The following USP51 variants were observed in gnomAD, a reference collection of about 807,000 sequenced individuals.
USP51 encodes the protein ubiquitin carboxyl-terminal hydrolase 51.
USP51 carries 5 observed loss-of-function variants against 17.6 expected under a neutral mutation model. The ratio of observed to expected loss-of-function variants is 0.28; its 90% CI spans 0.15 to 0.60. The LOEUF (loss-of-function observed/expected upper bound fraction) is 0.60. USP51 is among the 20% of genes least tolerant of loss of function. The pLI, the probability that USP51 is intolerant of heterozygous loss-of-function variation, is 0.88. For missense variants in USP51, 459 were observed against 559.5 expected (o/e 0.82, Z 1.81); for synonymous variants, 248 against 216.1 (o/e 1.15, Z -1.29).
At chrX:55,489,718 C>T (rs781041970) in intron 1 of USP51, among the ~76,000 whole-genome samples, 58 bp downstream of exon 1, 2 of 112,250 alleles carry the variant, frequency 1.8e-5, no homozygotes, top group African/African-American at 6.5e-5. Flanking sequence ...GCTCCCTTTT[C>T]CCTCTCCTGC....
Position 55,488,639 on chromosome X carries a change from G to A in USP51, c.301C>T (p.Arg101Cys). The A allele has an allele frequency of 8.5e-7, 1 of 1,175,383 alleles. No individual in the cohort carries two copies. The highest frequency in any genetic ancestry group is 2.3e-5 in the Admixed American group (1 of 43,737). Residue 101 changes from arginine to cysteine, a missense_variant, in exon 3 of 3, where the codon CGC (arginine) becomes TGC (cysteine). This residue lies in a region of USP51 where 232 missense variants were observed against 194.0 expected (regional missense o/e 1.20). Coordinates refer to ENST00000500968, the MANE Select transcript of USP51 (RefSeq NM_201286.4). ...CHSSSSPVCP[R>C]RKPRPRPQPR... ...TGGGGCCGAGGGCGGGGCTTGCGGC[G>A]CGGGCAAACGGGCGAGGAGCTGCTG...
chrX:55,485,114 A>C lies in USP51; in HGVS notation c.*1690T>G, dbSNP rs1245980364. 1 of 111,846 alleles carries C rather than the reference A, an allele frequency of 8.9e-6. No homozygotes were observed. Among genetic ancestry groups the C allele is most frequent in the Admixed American group, 9.5e-5 (1 of 10,548 alleles). 9.2% of individuals were successfully genotyped at this position (111,846 alleles called of 1,213,427 possible). A position where few individuals can be genotyped will look rare whatever the true frequency, so the allele number is the denominator to read the frequency against. ...CTTGGAGGGGGAAGAGGGAAAAAGGAAGGTGGGAAGGCCTCAGATATGGGT... is the reference window on the plus strand; with the variant it reads ...CTTGGAGGGGGAAGAGGGAAAAAGGCAGGTGGGAAGGCCTCAGATATGGGT... On this transcript the variant is annotated 3_prime_UTR_variant, in exon 3 of 3. Coordinates refer to ENST00000500968, the MANE Select transcript of USP51 (RefSeq NM_201286.4).
Position 55,486,541 on chromosome X carries a change from ATTCTT to A in USP51, c.*258_*262del. ...TACTCCCGTTGTCCCCACCTAAAGC[ATTCTT>A]TTCATTTCATTATGCTTTATGTGAC... On this transcript the variant is annotated 3_prime_UTR_variant, in exon 3 of 3. Transcript: ENST00000500968. The A allele has an allele frequency of 3.4e-6, 1 of 298,392 alleles. No individual in the cohort carries two copies. Among genetic ancestry groups the A allele is most frequent in the Non-Finnish European group, 5.8e-6 (1 of 172,926 alleles). 24.6% of individuals were successfully genotyped at this position (298,392 alleles called of 1,213,427 possible). A position where few individuals can be genotyped will look rare whatever the true frequency, so the allele number is the denominator to read the frequency against.
rs1350581731 is a variant in USP51 at position 55,488,023 on chromosome X, T to A, written c.917A>T (p.Glu306Val). Residue 306 changes from glutamate to valine, a missense_variant, in exon 3 of 3, where the codon GAA (glutamate) becomes GTA (valine). Coordinates refer to ENST00000500968, the MANE Select transcript of USP51 (RefSeq NM_201286.4). Reference sequence around the variant, plus strand: ...GGAAGTTAATAATCTCAAAATTTTTTCTTTTGTTTCTTTGGCAATCTGTTC... The same window carrying A: ...GGAAGTTAATAATCTCAAAATTTTTACTTTTGTTTCTTTGGCAATCTGTTC... ...DIEQIAKETK[E>V]KILRLLTSTS... 1.7e-6 allele frequency: 2 copies of A among 1,207,977 alleles called. No individual in the cohort carries two copies. Among genetic ancestry groups the A allele is most frequent in the South Asian group, 3.6e-5 (2 of 55,616 alleles).
Position 55,488,821 on chromosome X carries a change from G to GCCT in USP51, c.116_118dup (p.Glu39dup), listed in dbSNP as rs1569197647. Reference sequence around the variant, plus strand: ...AGACGCCTTCGTAGCCCCCGCCGCCGCCTCCTCCATTTTCCCCGCCTTCTC... The same window carrying GCCT: ...AGACGCCTTCGTAGCCCCCGCCGCCGCCTCCTCCTCCATTTTCCCCGCCTTCTC... On this transcript the variant is annotated inframe_insertion, in exon 3 of 3. Transcript: ENST00000500968. 2.5e-6 allele frequency: 3 copies of GCCT among 1,210,930 alleles called. No homozygotes were observed. The highest frequency in any genetic ancestry group is 2.3e-4 in the Middle Eastern group (1 of 4,351).
At position 55,487,674 on chromosome X, in the gene USP51, G is replaced by A; in HGVS notation, c.1266C>T (p.Ser422=). ...SSLFHAMYSG[S]RTPHIPYKLL... ...ACTTATAGGGAATGTGAGGAGTTCG[G>A]CTCCCAGAGTACATAGCATGAAAAA... Residue 422 remains serine (S), a synonymous_variant, in exon 3 of 3, where the codon AGC becomes AGT. Transcript: ENST00000500968. 1 of 1,211,839 alleles carries A rather than the reference G, an allele frequency of 8.3e-7. No individual in the cohort carries two copies. Among genetic ancestry groups the A allele is most frequent in the Non-Finnish European group, 1.1e-6 (1 of 895,531 alleles).
Position 55,486,509 on chromosome X carries a change from A to G in USP51, c.*295T>C, listed in dbSNP as rs1265119795. On this transcript the variant is annotated 3_prime_UTR_variant, in exon 3 of 3. Transcript: ENST00000500968. ...ACAAATGACATAGAGTAGCATCAGA[A>G]CACTTCTACTCCCGTTGTCCCCACC... 4.0e-6 allele frequency: 1 copy of G among 247,658 alleles called. No homozygotes were observed. The highest frequency in any genetic ancestry group is 2.8e-5 in the African/African-American group (1 of 35,605). The allele number at this position is 247,658 out of a possible 1,213,427, so 20.4% of individuals were successfully genotyped here.
rs764346550 is a variant in USP51 at position 55,489,309 on chromosome X, T to C, written c.-190A>G. 2 of 169,143 alleles carry C rather than the reference T, an allele frequency of 1.2e-5. No individual in the cohort carries two copies. Among genetic ancestry groups the C allele is most frequent in the African/African-American group, 6.0e-5 (2 of 33,352 alleles). The allele number at this position is 169,143 out of a possible 1,213,427, so 13.9% of individuals were successfully genotyped here. On this transcript the variant is annotated 5_prime_UTR_variant, in exon 2 of 3. Coordinates refer to ENST00000500968, the MANE Select transcript of USP51 (RefSeq NM_201286.4). ...AGGCGCCACCCTCTGACTGCTTTTT[T>C]GCGCCCTGCGCAGCCTCGCTTTGGT...
At position 55,487,485 on chromosome X, in the gene USP51, G is replaced by A. The variant is rs138024378; in HGVS notation, c.1455C>T (p.Asp485=). 1.2e-5 allele frequency: 15 copies of A among 1,211,831 alleles called. No individual in the cohort carries two copies. The highest frequency in any genetic ancestry group is 2.3e-4 in the Middle Eastern group (1 of 4,353). The part of the protein sequence containing the change: ...NNPNCCNCII[D]QIFTGGLQSD... ...ATTGCAGGCCACCTGTAAAGATTTG[G>A]TCTATGATGCAGTTACAGCAGTTGG... Residue 485 remains aspartate, a synonymous_variant, in exon 3 of 3, where the codon GAC becomes GAT. Transcript: ENST00000500968.
Position 55,487,596 on chromosome X carries a change from C to T in USP51, c.1344G>A (p.Gln448=), listed in dbSNP as rs779280996. 4 of 1,210,476 alleles carry T rather than the reference C, an allele frequency of 3.3e-6. No homozygotes were observed. In the East Asian group the frequency reaches 1.2e-4, roughly 36 times the overall value. The part of the protein sequence containing the change: ...HAEHLAGYRQ[Q]DAHEFLIAIL... ...TTGCAATAAGGAACTCATGGGCATC[C>T]TGCTGCCTGTACCCTGCTAAATGTT... Residue 448 remains glutamine (Q), a synonymous_variant, in exon 3 of 3, where the codon CAG becomes CAA. Transcript: ENST00000500968.
rs368430362 is a variant in USP51, at chrX:55,488,653, G to A, written c.287C>T (p.Ser96Leu). Residue 96 changes from serine (S) to leucine (L), a missense_variant, in exon 3 of 3, where the codon TCG becomes TTG. By Grantham distance (145) the Ser-to-Leu change is moderately radical (BLOSUM62 -2). This residue lies in a region of USP51 where 232 missense variants were observed against 194.0 expected (regional missense o/e 1.20). Coordinates refer to ENST00000500968, the MANE Select transcript of USP51 (RefSeq NM_201286.4). ...SIPLRCHSSS[S>L]PVCPRRKPRP... Reference sequence around the variant, plus strand: ...GGGCTTGCGGCGCGGGCAAACGGGCGAGGAGCTGCTGTGACAGCGAAGGGG... The same window carrying A: ...GGGCTTGCGGCGCGGGCAAACGGGCAAGGAGCTGCTGTGACAGCGAAGGGG... 17 of 1,185,937 alleles carry A rather than the reference G, an allele frequency of 1.4e-5. No individual in the cohort carries two copies. In the African/African-American group the frequency reaches 2.6e-4, roughly 18 times the overall value.
At position 55,488,856 on chromosome X, in the gene USP51, C is replaced by A. The variant is rs1223037035; in HGVS notation, c.84G>T (p.Glu28Asp). The A allele has an allele frequency of 8.3e-6, 10 of 1,209,518 alleles. No homozygotes were observed. Among genetic ancestry groups the A allele is most frequent in the Non-Finnish European group, 1.1e-5 (10 of 895,032 alleles). Residue 28 changes from glutamate (E) to aspartate (D), a missense_variant, in exon 3 of 3, where the codon GAG becomes GAT. Physicochemically the swap from Glu to Asp is conservative, Grantham distance 45. Coordinates refer to ENST00000500968, the MANE Select transcript of USP51 (RefSeq NM_201286.4). ...TTTTCCCCGCCTTCTCAACCGCCTC[C>A]TCAGGAGAGGCTCCTCCCCCACCTC... is the stretch of plus-strand genomic sequence containing the variant. ...ISGGGGGASP[E>D]EAVEKAGKME...
In USP51 at chrX:55,488,827, T is replaced by A; in HGVS notation, c.113A>T (p.Glu38Val). ...CTTCGTAGCCCCCGCCGCCGCCTCC[T>A]CCATTTTCCCCGCCTTCTCAACCGC... ...EEAVEKAGKM[E>V]EAAAGATKAS... Residue 38 changes from glutamate (E) to valine (V), a missense_variant, in exon 3 of 3, where the codon GAG (glutamate) becomes GTG (valine). By Grantham distance (121) the Glu-to-Val change is moderately radical. Coordinates refer to ENST00000500968, the MANE Select transcript of USP51 (RefSeq NM_201286.4). 8.3e-7 allele frequency: 1 copy of A among 1,211,198 alleles called. No homozygotes were observed. Among genetic ancestry groups the A allele is most frequent in the Non-Finnish European group, 1.1e-6 (1 of 895,383 alleles).
intron 2 of USP51, 49 bp downstream of exon 2, chrX:55,489,120 C>G (rs1446359764): frequency 1.2e-5 from 7 of 601,800 alleles, no homozygotes; most frequent in Non-Finnish European, 1.8e-5. Flanking sequence ...CGGCTCCACC[C>G]ACTCAACTGA....
In USP51 at chrX:55,487,688, T is replaced by C. The variant is rs1450749979; in HGVS notation, c.1252A>G (p.Met418Val). The change falls in exon 3 of 3, where the codon ATG becomes GTG. Residue 418 changes from methionine (M) to valine (V), a missense_variant. By Grantham distance (21) the Met-to-Val change is conservative. Transcript: ENST00000500968. The part of the protein sequence containing the change: ...VCEMSSLFHA[M>V]YSGSRTPHIP... Reference sequence around the variant, plus strand: ...TGAGGAGTTCGGCTCCCAGAGTACATAGCATGAAAAAGCGAAGACATTTCA... The same window carrying C: ...TGAGGAGTTCGGCTCCCAGAGTACACAGCATGAAAAAGCGAAGACATTTCA... 3 of 1,211,763 alleles carry C rather than the reference T, an allele frequency of 2.5e-6. No homozygotes were observed. The East Asian group carries it at 8.9e-5, about 36-fold the overall frequency.
intron 1 of USP51, among the ~76,000 whole-genome samples, chrX:55,489,568 T>C (rs2031393881): frequency 8.9e-6 from 1 of 112,288 alleles, no homozygotes; most frequent in African/African-American, 3.2e-5. Context: ...TTTTTCGCGC[T>C]TGTGCTCTCA....
At position 55,487,877 on chromosome X, in the gene USP51, T is replaced by C; in HGVS notation, c.1063A>G (p.Lys355Glu). The change falls in exon 3 of 3, where the codon AAG (lysine) becomes GAG (glutamate). Residue 355 changes from lysine (K) to glutamate (E), a missense_variant. Coordinates refer to ENST00000500968, the MANE Select transcript of USP51 (RefSeq NM_201286.4). ...CTCAGGCCTACAGTATAGACTGACTTTTTTCTTCTCTTTTTCTTGGGTTTC... is the reference window on the plus strand; with the variant it reads ...CTCAGGCCTACAGTATAGACTGACTCTTTTCTTCTCTTTTTCTTGGGTTTC... ...LVKPKKKRRKKSVYTVGLRGL... is the reference protein window; with the variant it reads ...LVKPKKKRRKESVYTVGLRGL... 8.4e-7 allele frequency: 1 copy of C among 1,185,208 alleles called. No homozygotes were observed. The highest frequency in any genetic ancestry group is 1.1e-6 in the Non-Finnish European group (1 of 885,587).
Position 55,488,607 on chromosome X carries a change from C to T in USP51, c.333G>A (p.Arg111=). The change falls in exon 3 of 3, where the codon CGG becomes CGA. Residue 111 remains arginine (R), a synonymous_variant. Transcript: ENST00000500968. ...GCCCAGGCTGGCTGCGGGAGCGGGC[C>T]CGGGGCTGGGGCCGAGGGCGGGGCT... ...RRKPRPRPQP[R]ARSRSQPGLS... 2 of 1,125,989 alleles carry T rather than the reference C, an allele frequency of 1.8e-6. No individual in the cohort carries two copies. Among genetic ancestry groups the T allele is most frequent in the African/African-American group, 1.8e-5 (1 of 54,998 alleles). 92.8% of individuals were successfully genotyped at this position (1,125,989 alleles called of 1,213,427 possible). A position where few individuals can be genotyped will look rare whatever the true frequency, so the allele number is the denominator to read the frequency against.
chrX:55,487,588 T>C lies in USP51; in HGVS notation c.1352A>G (p.His451Arg). ...GTCTAATATTGCAATAAGGAACTCA[T>C]GGGCATCCTGCTGCCTGTACCCTGC... is the stretch of plus-strand genomic sequence containing the variant. The part of the protein sequence containing the change: ...HLAGYRQQDA[H>R]EFLIAILDVL... The change falls in exon 3 of 3, where the codon CAT (histidine) becomes CGT (arginine). Residue 451 changes from histidine to arginine, a missense_variant. His to Arg is a conservative substitution (Grantham distance 29). Coordinates refer to ENST00000500968, the MANE Select transcript of USP51 (RefSeq NM_201286.4). The C allele has an allele frequency of 1.6e-6, 2 of 1,212,185 alleles. No individual in the cohort carries two copies. Among genetic ancestry groups the C allele is most frequent in the Non-Finnish European group, 2.2e-6 (2 of 895,622 alleles).
Sources: allele counts gnomAD v4.1 joint callset (sites outside exome capture counted in the v4.1 genomes callset), GRCh38; gene constraint gnomAD v4.1.1; regional missense constraint gnomAD v4.1.1; transcripts MANE v1.5; gene names NCBI Gene and HGNC (gene_info 2026-07-23, HGNC 2026-07-21).